Variants in RAD51B observed in about 807,000 individuals in gnomAD.
The protein encoded by RAD51B is RAD51 paralog B.
In RAD51B, 38 loss-of-function variants were observed where a neutral mutation model predicts 42.2. The observed-to-expected ratio is 0.90, with a 90% CI of 0.70 to 1.18. RAD51B has a LOEUF of 1.18. Ranked by LOEUF, RAD51B falls within the 50% of genes most tolerant of loss-of-function variation. The pLI is 0.00. For missense variants in RAD51B, 373 were observed against 400.7 expected, an observed-to-expected ratio of 0.93 and a Z score of 0.59; for synonymous variants, 154 against 145.2, an observed-to-expected ratio of 1.06 and a Z score of -0.43.
intron 4 of RAD51B, among the ~76,000 whole-genome samples, chr14:67,837,886 T>A (rs2041299253): frequency 6.6e-6 from 1 of 152,228 alleles, no homozygotes; most frequent in African/African-American, 2.4e-5. Context: ...TATAGAAAAC[T>A]AAGACTTATT....
chr14:68,528,411 A>C (rs1326589656), intron 10 of RAD51B, among the ~76,000 whole-genome samples: 4 of 152,342 alleles, frequency 2.6e-5, no homozygotes, highest in Middle Eastern at 3.4e-3. Context: ...CTTATTGCAT[A>C]TGTGACTTTC....
At chr14:67,906,045 G>A (rs1205794991) in intron 7 of RAD51B, among the ~76,000 whole-genome samples, 1 of 152,030 alleles carries the variant, frequency 6.6e-6, no homozygotes, top group African/African-American at 2.4e-5. Flanking sequence ...TCATAGATGA[G>A]TCTTCTTATT....
chr14:67,967,267 T>G (rs1165364619), intron 7 of RAD51B, among the ~76,000 whole-genome samples: 2 of 152,214 alleles, frequency 1.3e-5, no homozygotes, highest in Non-Finnish European at 2.9e-5. Context: ...CAGTTCAAGA[T>G]GAGATTTGGG....
intron 9 of RAD51B, chr14:68,421,787 C>T (rs557483551): frequency 1.5e-5 from 24 of 1,598,326 alleles, no homozygotes; most frequent in African/African-American, 1.1e-4. Context: ...CCACAATATT[C>T]GTGCCTTCTT....
chr14:68,264,843 G>A (rs796275475), intron 7 of RAD51B, among the ~76,000 whole-genome samples: 11 of 152,220 alleles, frequency 7.2e-5, no homozygotes, highest in African/African-American at 1.7e-4. Flanking sequence ...ACCGTTTCTC[G>A]TCTGCCTTTC....
intron 7 of RAD51B, among the ~76,000 whole-genome samples, chr14:68,270,426 T>C (rs1249677432): frequency 6.6e-6 from 1 of 152,240 alleles, no homozygotes; most frequent in East Asian, 1.9e-4. Flanking sequence ...AGATTATTTC[T>C]GTAATTTCCC....
intron 7 of RAD51B, among the ~76,000 whole-genome samples, chr14:67,910,575 A>G (rs2043943881): frequency 6.6e-6 from 1 of 151,982 alleles, no homozygotes; most frequent in South Asian, 2.1e-4. Flanking sequence ...TCGTAAAGTC[A>G]GTGTCGATGC....
intron 9 of RAD51B, among the ~76,000 whole-genome samples, chr14:68,418,356 C>G: frequency 6.6e-6 from 1 of 152,224 alleles, no homozygotes. Context: ...GGACAAATGA[C>G]TGGTCCTCTT....
intron 7 of RAD51B, among the ~76,000 whole-genome samples, chr14:68,282,152 T>A (rs1455992842): frequency 6.6e-6 from 1 of 152,090 alleles, no homozygotes; most frequent in Non-Finnish European, 1.5e-5. Flanking sequence ...TGACTAATTT[T>A]TTGTAGTTTT....
intron 9 of RAD51B, among the ~76,000 whole-genome samples, chr14:68,437,443 C>T (rs550116527): frequency 6.6e-6 from 1 of 152,254 alleles, no homozygotes; most frequent in East Asian, 1.9e-4. Context: ...CACATATGTC[C>T]ATCAGGGCCT....
chr14:68,492,533 T>G (rs987087084), intron 10 of RAD51B, among the ~76,000 whole-genome samples: 4 of 152,232 alleles, frequency 2.6e-5, no homozygotes, highest in African/African-American at 9.6e-5. Flanking sequence ...CCTCCTGCTA[T>G]CTCTCTACGA....
At chr14:67,982,744 T>A (rs909542231) in intron 7 of RAD51B, among the ~76,000 whole-genome samples, 5 of 151,824 alleles carry the variant, frequency 3.3e-5, no homozygotes, top group Non-Finnish European at 5.9e-5. Context: ...TGTTTTTTTT[T>A]AAAACCAAAT....
intron 7 of RAD51B, among the ~76,000 whole-genome samples, chr14:68,081,799 G>A (rs2076916710): frequency 6.6e-6 from 1 of 152,156 alleles, no homozygotes; most frequent in Non-Finnish European, 1.5e-5. Flanking sequence ...CCCCACGGCA[G>A]TGTCTAGGGG....
At chr14:68,475,652 C>CTT (rs375653232) in intron 10 of RAD51B, among the ~76,000 whole-genome samples, 2 of 150,016 alleles carry the variant, frequency 1.3e-5, no homozygotes, top group African/African-American at 4.9e-5. Flanking sequence ...AGACCAAACA[C>CTT]TTTTTTTTTT....
chr14:68,333,748 C>T (rs1402591751), intron 8 of RAD51B, among the ~76,000 whole-genome samples: 1 of 152,152 alleles, frequency 6.6e-6, no homozygotes, highest in Non-Finnish European at 1.5e-5. Context: ...GCTAATTAAA[C>T]AAATGTATTG....
intron 8 of RAD51B, among the ~76,000 whole-genome samples, chr14:68,401,321 A>C (rs573033236): frequency 6.6e-6 from 1 of 152,270 alleles, no homozygotes; most frequent in South Asian, 2.1e-4. Flanking sequence ...AACTTAAAGT[A>C]TTTTGTTAAG....
chr14:68,094,754 T>C (rs2077163690), intron 7 of RAD51B, among the ~76,000 whole-genome samples: 1 of 152,180 alleles, frequency 6.6e-6, no homozygotes, highest in Admixed American at 6.5e-5. Flanking sequence ...GACCTCCTAA[T>C]AGGTTAGTGA....
chr14:68,368,572 A>G (rs1328636852), intron 8 of RAD51B, among the ~76,000 whole-genome samples: 3 of 152,224 alleles, frequency 2.0e-5, no homozygotes, highest in African/African-American at 7.2e-5. Flanking sequence ...CAGAAGGTCT[A>G]TAGTGGCCGC....
intron 8 of RAD51B, among the ~76,000 whole-genome samples, chr14:68,341,910 A>G (rs2082579175): frequency 6.6e-6 from 1 of 152,216 alleles, no homozygotes; most frequent in African/African-American, 2.4e-5. Context: ...AACTGCATAT[A>G]GTGCACTTTC....
Sources: allele counts gnomAD v4.1 joint callset (sites outside exome capture counted in the v4.1 genomes callset), GRCh38; gene constraint gnomAD v4.1.1; transcripts MANE v1.5; gene names NCBI Gene and HGNC (gene_info 2026-07-23, HGNC 2026-07-21).